ATXN7: variants seen among roughly 807,000 people sequenced by gnomAD.
The protein encoded by ATXN7 is ataxin-7.
ATXN7 carries 12 observed loss-of-function variants against 70.5 expected under a neutral mutation model. That is an observed-to-expected ratio of 0.17 (90% CI 0.11 to 0.28). The LOEUF (loss-of-function observed/expected upper bound fraction) is 0.28. ATXN7 is among the 10% of genes least tolerant of loss of function. The probability of loss-of-function intolerance (pLI) is 1.00; values close to 1 mark genes in which losing one functional copy is unlikely to be tolerated. For missense variants in ATXN7, 1,256 were observed against 1,131.7 expected (o/e 1.11, Z -1.58); for synonymous variants, 498 against 448.7 (o/e 1.11, Z -1.39).
In ATXN7 at chr3:63,999,544, T is replaced by A. The variant is rs1307940358; in HGVS notation, c.*77T>A. On this transcript the variant is annotated 3_prime_UTR_variant, in exon 13 of 13. Coordinates refer to ENST00000674280, the MANE Select transcript of ATXN7 (RefSeq NM_001377405.1). Reference sequence around the variant, plus strand: ...TACACCTCCACTCAGCACTCTGGACTCCACGATGCCTTTGAGTCTGTTTTC... The same window carrying A: ...TACACCTCCACTCAGCACTCTGGACACCACGATGCCTTTGAGTCTGTTTTC... 6.3e-7 allele frequency: 1 copy of A among 1,597,102 alleles called. No individual in the cohort carries two copies. The highest frequency in any genetic ancestry group is 8.5e-7 in the Non-Finnish European group (1 of 1,170,514).
At chr3:63,979,041 C>T (rs1397826097) in intron 5 of ATXN7, among the ~76,000 whole-genome samples, 2 of 152,140 alleles carry the variant, frequency 1.3e-5, no homozygotes, top group African/African-American at 2.4e-5. Flanking sequence ...GGTACTCAAG[C>T]GGATAAAGTT....
In ATXN7 at chr3:63,912,649, G is replaced by A. The variant is rs1704078061; in HGVS notation, c.51G>A (p.Ala17=). 5 of 1,036,544 alleles carry A rather than the reference G, an allele frequency of 4.8e-6. No individual in the cohort carries two copies. Among genetic ancestry groups the A allele is most frequent in the Non-Finnish European group, 5.8e-6 (5 of 859,654 alleles). 64.2% of individuals were successfully genotyped at this position (1,036,544 alleles called of 1,614,324 possible). A position where few individuals can be genotyped will look rare whatever the true frequency, so the allele number is the denominator to read the frequency against. Residue 17 remains alanine (A), a synonymous_variant, in exon 3 of 13, where the codon GCG becomes GCA. Coordinates refer to ENST00000674280, the MANE Select transcript of ATXN7 (RefSeq NM_001377405.1). ...TCAGGGGGGAGCCGCGCCGCGCGGC[G>A]GCGGCGGCGGGCGGAGCAGCGGCCG... is the stretch of plus-strand genomic sequence containing the variant. ...DDVRGEPRRA[A]AAAGGAAAAA... is the part of the protein sequence containing the mutation.
At chr3:63,942,121 G>C (rs1455481702) in intron 4 of ATXN7, among the ~76,000 whole-genome samples, 1 of 152,182 alleles carries the variant, frequency 6.6e-6, no homozygotes, top group Non-Finnish European at 1.5e-5. Flanking sequence ...CTGGCAGATA[G>C]GAACAGCTTG....
intron 1 of ATXN7, among the ~76,000 whole-genome samples, chr3:63,869,061 G>A (rs1042127000): frequency 1.1e-4 from 16 of 152,160 alleles, no homozygotes; most frequent in East Asian, 9.6e-4. Context: ...ATAAAATACT[G>A]TATAATGCTT....
chr3:63,977,078 G>C (rs2075400250), intron 5 of ATXN7, among the ~76,000 whole-genome samples: 1 of 152,150 alleles, frequency 6.6e-6, no homozygotes, highest in Admixed American at 6.5e-5. Flanking sequence ...TAACACCCAT[G>C]GTGGTGAACT....
chr3:63,942,194 C>T (rs925997636), intron 4 of ATXN7, among the ~76,000 whole-genome samples: 1 of 152,102 alleles, frequency 6.6e-6, no homozygotes, highest in African/African-American at 2.4e-5. Context: ...GAGAGTAATT[C>T]AAGAAGGGCA....
At chr3:63,953,696 G>T (rs902631266) in intron 5 of ATXN7, among the ~76,000 whole-genome samples, 6 of 147,820 alleles carry the variant, frequency 4.1e-5, no homozygotes, top group Non-Finnish European at 7.4e-5. Flanking sequence ...TGTCATCCAC[G>T]TTGGAGTGCA....
chr3:63,884,675 G>C (rs1232133295), intron 1 of ATXN7, among the ~76,000 whole-genome samples: 1 of 151,464 alleles, frequency 6.6e-6, no homozygotes, highest in Non-Finnish European at 1.5e-5. Flanking sequence ...GGGGGATCAG[G>C]TTCTCCATCT....
chr3:63,962,687 G>A (rs1034715483), intron 5 of ATXN7, among the ~76,000 whole-genome samples: 1 of 152,052 alleles, frequency 6.6e-6, no homozygotes, highest in African/African-American at 2.4e-5. Flanking sequence ...TTATAGGCGT[G>A]AACCACCATG....
intron 1 of ATXN7, among the ~76,000 whole-genome samples, chr3:63,868,967 TCTGGCAGG>T (rs1702517086): frequency 6.6e-6 from 1 of 152,174 alleles, no homozygotes; most frequent in South Asian, 2.1e-4. Context: ...TAGGAAAGGG[TCTGGCAGG>T]ACTGAATCAT....
intron 4 of ATXN7, among the ~76,000 whole-genome samples, chr3:63,915,219 G>A (rs968667996): frequency 6.6e-6 from 1 of 152,130 alleles, no homozygotes; most frequent in African/African-American, 2.4e-5. Flanking sequence ...ACAGGTGTGA[G>A]CCACCGCCTG....
At chr3:63,991,004 A>G in intron 11 of ATXN7, 145 bp downstream of exon 11, 1 of 1,202,172 alleles carries the variant, frequency 8.3e-7, no homozygotes, top group African/African-American at 1.5e-5. Flanking sequence ...CTTGTCATTC[A>G]TTCATTCATT....
At chr3:63,974,061 C>T (rs143193150) in intron 5 of ATXN7, among the ~76,000 whole-genome samples, 1,561 of 152,222 alleles carry the variant, frequency 0.01, 17 homozygotes, top group Middle Eastern at 0.027. Flanking sequence ...AAACTGTCTT[C>T]GACTTGGAGG....
At position 63,913,107 on chromosome 3, in the gene ATXN7, C is replaced by T. The variant is rs761890577; in HGVS notation, c.326-50C>T. ...GCGTGCGTGAGTGTGCGTCACACTC[C>T]TGGCCACTGACCTGCCTCTCCCCTC... On this transcript the variant is annotated intron_variant, in intron 3 of 12. Coordinates refer to ENST00000674280, the MANE Select transcript of ATXN7 (RefSeq NM_001377405.1). 5 of 1,585,124 alleles carry T rather than the reference C, an allele frequency of 3.2e-6. No homozygotes were observed. The African/African-American group carries it at 6.7e-5, about 21-fold the overall frequency.
chr3:63,937,882 C>T (rs1293747983), intron 4 of ATXN7, among the ~76,000 whole-genome samples: 3 of 152,102 alleles, frequency 2.0e-5, no homozygotes, highest in African/African-American at 4.8e-5. Context: ...AAGAATGGTA[C>T]CTATACTACA....
chr3:63,881,169 A>G (rs1298338674), intron 1 of ATXN7, among the ~76,000 whole-genome samples: 7 of 152,224 alleles, frequency 4.6e-5, no homozygotes, highest in African/African-American at 1.7e-4. Flanking sequence ...GAGGTCACAT[A>G]GTTTGAAAAT....
At chr3:63,941,572 G>A (rs2074769932) in intron 4 of ATXN7, among the ~76,000 whole-genome samples, 1 of 152,178 alleles carries the variant, frequency 6.6e-6, no homozygotes, top group Non-Finnish European at 1.5e-5. Flanking sequence ...TGCCAGAAAG[G>A]TTGGGGACTG....
At chr3:63,994,057 C>T (rs571384153) in intron 11 of ATXN7, among the ~76,000 whole-genome samples, 1 of 152,218 alleles carries the variant, frequency 6.6e-6, no homozygotes, top group Non-Finnish European at 1.5e-5. Flanking sequence ...CATTAGAATC[C>T]CCTGGAAAGA....
intron 2 of ATXN7, among the ~76,000 whole-genome samples, chr3:63,902,587 G>A (rs1466608849): frequency 2.6e-5 from 4 of 152,142 alleles, no homozygotes; most frequent in African/African-American, 7.2e-5. Flanking sequence ...GGATGCTAAG[G>A]GTGGGAAAAG....
Sources: gnomAD v4.1 joint callset for allele counts (sites outside exome capture counted in the v4.1 genomes callset) on GRCh38, gnomAD v4.1.1 for gene constraint, MANE v1.5 for transcripts, NCBI Gene and HGNC (gene_info 2026-07-23, HGNC 2026-07-21) for gene names.